Variants in DCT observed in about 807,000 individuals in gnomAD.
DCT encodes L-dopachrome tautomerase.
Under a neutral mutation model 53.0 loss-of-function variants are expected in DCT, and 47 were observed. That is an observed-to-expected ratio of 0.89 (90% confidence interval 0.70 to 1.13). The LOEUF (loss-of-function observed/expected upper bound fraction) is 1.13, where lower values mean the gene tolerates loss of function less well. Among genes scored for constraint, DCT ranks in the 50% most tolerant of loss-of-function variants. DCT has a pLI of 0.00. For synonymous variants in DCT, 244 were observed against 237.0 expected (o/e 1.03, Z -0.27); for missense variants, 669 against 637.4 (o/e 1.05, Z -0.53).
chr13:94,446,293 A>G (rs1164435620), intron 6 of DCT, among the ~76,000 whole-genome samples: 1 of 152,202 alleles, frequency 6.6e-6, no homozygotes, highest in Non-Finnish European at 1.5e-5. Context: ...TATCACTATG[A>G]CTATACCATC....
chr13:94,499,828 C>A, the DCT span, among the ~76,000 whole-genome samples: 1 of 152,132 alleles, frequency 6.6e-6, no homozygotes, highest in South Asian at 2.1e-4. Context: ...GAACCCCCAC[C>A]ATGCTCTAAC....
At chr13:94,505,223 A>G in the DCT span, among the ~76,000 whole-genome samples, 1 of 150,712 alleles carries the variant, frequency 6.6e-6, no homozygotes. Context: ...TGACACACGC[A>G]TTTTATCATT....
chr13:94,496,919 A>C, the DCT span, among the ~76,000 whole-genome samples: 1 of 152,198 alleles, frequency 6.6e-6, no homozygotes. Flanking sequence ...CTGTGCCCAC[A>C]CAAGTGCTGG....
the DCT span, among the ~76,000 whole-genome samples, chr13:94,534,913 G>A: frequency 6.6e-6 from 1 of 152,258 alleles, no homozygotes; most frequent in East Asian, 1.9e-4. Flanking sequence ...AATAAATGTG[G>A]TTTGTTTGTT....
the DCT span, among the ~76,000 whole-genome samples, chr13:94,525,746 G>A: frequency 1.3e-5 from 2 of 152,076 alleles, no homozygotes; most frequent in African/African-American, 2.4e-5. Flanking sequence ...CAGCCCTTTG[G>A]GAGGCCAAGG....
Position 94,438,587 on chromosome 13 carries a change from C to A in DCT, c.*1311G>T, listed in dbSNP as rs79616749. On this transcript the variant is annotated 3_prime_UTR_variant, in exon 8 of 8. Transcript: ENST00000377028. The stretch of plus-strand genomic sequence containing the variant: ...TCGACAGACAAGCCACGCCCTAGAA[C>A]TTCAGTCTCACTCCTGATGCACAGA... 4.4e-5 allele frequency: 20 copies of A among 455,952 alleles called. No individual in the cohort carries two copies. Among genetic ancestry groups the A allele is most frequent in the African/African-American group, 3.6e-4 (18 of 50,156 alleles). The allele number at this position is 455,952 out of a possible 1,614,324, so 28.2% of individuals were successfully genotyped here.
chr13:94,512,861 G>T, the DCT span, among the ~76,000 whole-genome samples: 2 of 152,320 alleles, frequency 1.3e-5, no homozygotes, highest in Admixed American at 1.3e-4. Context: ...GAGAACTTCA[G>T]AGTAGGAAGA....
the DCT span, among the ~76,000 whole-genome samples, chr13:94,510,307 C>A: frequency 6.6e-6 from 1 of 152,164 alleles, no homozygotes; most frequent in Non-Finnish European, 1.5e-5. Context: ...TTAAACCACC[C>A]TCCTACCACC....
At chr13:94,484,736 C>T in the DCT span, among the ~76,000 whole-genome samples, 555 of 152,158 alleles carry the variant, frequency 3.6e-3, no homozygotes, top group Middle Eastern at 6.8e-3. Context: ...TTTTTTTATA[C>T]GAACACTGGT....
At chr13:94,542,141 A>C in the DCT span, among the ~76,000 whole-genome samples, 1 of 152,192 alleles carries the variant, frequency 6.6e-6, no homozygotes. Flanking sequence ...TTACTATACA[A>C]GCACTTCAAA....
At chr13:94,530,574 CG>C in the DCT span, among the ~76,000 whole-genome samples, 2 of 152,048 alleles carry the variant, frequency 1.3e-5, no homozygotes, top group African/African-American at 4.8e-5. Context: ...AAAAGGCCTT[CG>C]ACAAAATTCA....
chr13:94,518,137 GGAAGGAAGGAAGGAAGGAAT>G, the DCT span, among the ~76,000 whole-genome samples: 2 of 144,138 alleles, frequency 1.4e-5, no homozygotes, highest in African/African-American at 2.7e-5. Context: ...AAGGAAGGAA[GGAAGGAAGGAAGGAAGGAAT>G]GAAGGAAGGA....
chr13:94,456,146 G>A (rs576513524), intron 6 of DCT, among the ~76,000 whole-genome samples: 1 of 152,348 alleles, frequency 6.6e-6, no homozygotes, highest in African/African-American at 2.4e-5. Context: ...CCCCCACCTT[G>A]TTAGAGGCTG....
rs146093537 is a variant in DCT, at chr13:94,437,513, T to C, written c.*2385A>G. 3.9e-5 allele frequency: 6 copies of C among 152,334 alleles called. No individual in the cohort carries two copies. The highest frequency in any genetic ancestry group is 1.4e-4 in the African/African-American group (6 of 41,596). 9.4% of individuals were successfully genotyped at this position (152,334 alleles called of 1,614,324 possible). A position where few individuals can be genotyped will look rare whatever the true frequency, so the allele number is the denominator to read the frequency against. ...TTATCCCATTTCTGAATGTTAGCTT[T>C]ATAAAAAGCATTTCTATTAAAATCA... On this transcript the variant is annotated 3_prime_UTR_variant, in exon 8 of 8. Coordinates refer to ENST00000377028, the MANE Select transcript of DCT (RefSeq NM_001922.5).
At chr13:94,527,471 C>T in the DCT span, among the ~76,000 whole-genome samples, 5 of 152,114 alleles carry the variant, frequency 3.3e-5, no homozygotes, top group African/African-American at 4.8e-5. Context: ...CTGCAGCCTC[C>T]GCTGGTGATA....
the DCT span, among the ~76,000 whole-genome samples, chr13:94,532,099 C>G: frequency 3.1e-3 from 477 of 152,280 alleles, 1 homozygote; most frequent in Non-Finnish European, 5.5e-3. Flanking sequence ...CCATCTCACT[C>G]CAGTTAGAAT....
the DCT span, among the ~76,000 whole-genome samples, chr13:94,519,261 T>A: frequency 2.0e-5 from 3 of 152,192 alleles, no homozygotes; most frequent in Non-Finnish European, 4.4e-5. Context: ...AGGTTATAAT[T>A]TTTATAAGGT....
chr13:94,525,823 T>A, the DCT span, among the ~76,000 whole-genome samples: 1 of 151,964 alleles, frequency 6.6e-6, no homozygotes, highest in Non-Finnish European at 1.5e-5. Flanking sequence ...TGAGACTCTG[T>A]CTCTACAAAA....
At chr13:94,504,312 ATGCAG>A in the DCT span, among the ~76,000 whole-genome samples, 6 of 152,292 alleles carry the variant, frequency 3.9e-5, no homozygotes, top group African/African-American at 1.4e-4. Flanking sequence ...TTATCAACTG[ATGCAG>A]TGCACAACTT....
Sources: gnomAD v4.1 joint callset for allele counts (sites outside exome capture counted in the v4.1 genomes callset) on GRCh38, gnomAD v4.1.1 for gene constraint, MANE v1.5 for transcripts, NCBI Gene and HGNC (gene_info 2026-07-23, HGNC 2026-07-21) for gene names.